The following APPBP2 variants were observed in gnomAD, a reference collection of about 807,000 sequenced individuals.
The protein encoded by APPBP2 is amyloid beta precursor protein binding protein 2.
A neutral mutation model predicts 76.0 loss-of-function variants in APPBP2; 15 were observed. The ratio of observed to expected loss-of-function variants is 0.20; its 90% confidence interval spans 0.13 to 0.30. APPBP2 has a LOEUF of 0.30. Among genes scored for constraint, APPBP2 ranks in the 10% least tolerant of loss-of-function variants. The probability of loss-of-function intolerance (pLI) is 1.00; values close to 1 mark genes in which losing one functional copy is unlikely to be tolerated. For synonymous variants in APPBP2, 222 were observed against 242.2 expected (o/e 0.92, Z 0.77); for missense variants, 401 against 687.2 (o/e 0.58, Z 4.66).
chr17:60,494,600 C>G lies in APPBP2; in HGVS notation c.245G>C (p.Cys82Ser), dbSNP rs1430125480. The change falls in exon 3 of 13, where the codon TGT becomes TCT. Residue 82 changes from cysteine to serine, a missense_variant. This residue lies in a region of APPBP2 where 149 missense variants were observed against 198.4 expected (regional missense o/e 0.75). Transcript: ENST00000083182. ...ALDKRHLLHHCFQALMDHGVK... is the reference protein window; with the variant it reads ...ALDKRHLLHHSFQALMDHGVK... ...ACCATGATCCATCAAAGCCTGAAAA[C>G]AATGATGAAGCAAATGTCTGTAAGA... 1 of 1,588,076 alleles carries G rather than the reference C, an allele frequency of 6.3e-7. No homozygotes were observed. Among genetic ancestry groups the G allele is most frequent in the Non-Finnish European group, 8.5e-7 (1 of 1,174,086 alleles).
intron 12 of APPBP2, among the ~76,000 whole-genome samples, chr17:60,448,915 C>T (rs370711843): frequency 6.6e-5 from 10 of 151,990 alleles, no homozygotes; most frequent in Non-Finnish European, 1.5e-5. Flanking sequence ...AATTACAGTA[C>T]GTTAATATTT....
rs1271709332 is a variant in APPBP2, at chr17:60,510,559, C to A, written c.139-10072G>T. The stretch of plus-strand genomic sequence containing the variant: ...CAACATAGGGAGACCCCCATCACTA[C>A]AAAAAAAAAAAAAATTGGCCAAGCA... On this transcript the variant is annotated intron_variant, in intron 1 of 12. Transcript: ENST00000083182. Among the ~76,000 whole-genome samples the A allele has an allele frequency of 1.3e-3, 175 of 135,598 alleles. 2 individuals are homozygous for A. Among genetic ancestry groups the A allele is most frequent in the Non-Finnish European group, 2.0e-3 (126 of 61,828 alleles). 89.0% of individuals were successfully genotyped at this position (135,598 alleles called of 152,430 possible).
chr17:60,499,117 G>A (rs113092015), intron 2 of APPBP2, among the ~76,000 whole-genome samples: 258 of 152,278 alleles, frequency 1.7e-3, no homozygotes, highest in African/African-American at 6.1e-3. Context: ...GATCACTTGA[G>A]CCCAGGAGTT....
chr17:60,448,352 A>G (rs1353209898), intron 12 of APPBP2, among the ~76,000 whole-genome samples: 1 of 152,096 alleles, frequency 6.6e-6, no homozygotes, highest in East Asian at 1.9e-4. Context: ...AATCCCAGCT[A>G]CTCGAGAGGC....
chr17:60,483,828 G>C (rs2090650974), intron 3 of APPBP2, among the ~76,000 whole-genome samples: 1 of 152,158 alleles, frequency 6.6e-6, no homozygotes, highest in Admixed American at 6.5e-5. Context: ...GAATGGTATT[G>C]CCCAGGTTTT....
chr17:60,458,800 G>C lies in APPBP2; in HGVS notation c.1061+1863C>G, dbSNP rs574409413. On this transcript the variant is annotated intron_variant, in intron 9 of 12. Transcript: ENST00000083182. ...TTTTTTTGTTTTTTTTTTTGAGACG[G>C]AGTCTCGTTCTGTCGCCACGCTGGA... Among the ~76,000 whole-genome samples, 113 of 150,748 alleles carry C rather than the reference G, an allele frequency of 7.5e-4. 2 individuals are homozygous for C. Among genetic ancestry groups the C allele is most frequent in the South Asian group, 5.2e-3 (25 of 4,794 alleles).
intron 4 of APPBP2, among the ~76,000 whole-genome samples, chr17:60,471,200 G>C (rs2090550016): frequency 6.6e-6 from 1 of 152,022 alleles, no homozygotes; most frequent in Admixed American, 6.6e-5. Context: ...CATTCCATAG[G>C]TTGTCTTTTT....
chr17:60,496,529 T>C (rs1021612503), intron 2 of APPBP2: 2 of 152,200 alleles, frequency 1.3e-5, no homozygotes, highest in African/African-American at 4.8e-5. Context: ...CCAAAAGCTA[T>C]CCTTTCTTTA....
chr17:60,487,266 C>T (rs1598360693), intron 3 of APPBP2, among the ~76,000 whole-genome samples: 1 of 152,274 alleles, frequency 6.6e-6, no homozygotes, highest in East Asian at 1.9e-4. Flanking sequence ...GGGAAGTTCT[C>T]CTGGATAATA....
rs1244347622 is a variant in APPBP2, at chr17:60,466,365, C to T, written c.598G>A (p.Gly200Ser). 1.2e-6 allele frequency: 2 copies of T among 1,613,974 alleles called. No homozygotes were observed. Among genetic ancestry groups the T allele is most frequent in the Admixed American group, 3.3e-5 (2 of 60,002 alleles). Residue 200 changes from glycine (G) to serine (S), a missense_variant, in exon 5 of 13, where the codon GGC becomes AGC. By Grantham distance (56) the Gly-to-Ser change is moderately conservative (BLOSUM62 0). Transcript: ENST00000083182. ...QTYMDKLSKH[G>S]QQANKAALYG... ...AGTGCAGCTTTATTTGCTTGCTGGC[C>T]ATGTTTTGATAGTTTATCCATATAT... is the stretch of plus-strand genomic sequence containing the variant.
chr17:60,510,662 G>A (rs74441539), intron 1 of APPBP2, among the ~76,000 whole-genome samples: 2,284 of 152,144 alleles, frequency 0.015, 48 homozygotes, highest in African/African-American at 0.051. Context: ...GCCGCAGTGA[G>A]CCATAATTGC....
At chr17:60,474,269 C>G (rs2090573783) in intron 4 of APPBP2, among the ~76,000 whole-genome samples, 1 of 151,690 alleles carries the variant, frequency 6.6e-6, no homozygotes. Context: ...CTCCCAGGTT[C>G]AAGCGATTCT....
chr17:60,491,196 T>C (rs2090726100), intron 3 of APPBP2, among the ~76,000 whole-genome samples: 1 of 152,080 alleles, frequency 6.6e-6, no homozygotes, highest in Non-Finnish European at 1.5e-5. Context: ...CAGGCTGAGG[T>C]GGTCTCAGAT....
chr17:60,495,427 TTTTATTTA>T (rs1555634440), intron 2 of APPBP2, among the ~76,000 whole-genome samples: 1 of 129,404 alleles, frequency 7.7e-6, no homozygotes, highest in Non-Finnish European at 1.5e-5. Flanking sequence ...TTTAAAAATA[TTTTATTTA>T]TTTATTATTT....
intron 1 of APPBP2, among the ~76,000 whole-genome samples, chr17:60,525,585 A>G (rs1457036404): frequency 6.6e-6 from 1 of 152,222 alleles, no homozygotes; most frequent in Non-Finnish European, 1.5e-5. Context: ...AGACTCCCCA[A>G]GATTACTTCA....
At chr17:60,458,915 G>A (rs2090453993) in intron 9 of APPBP2, among the ~76,000 whole-genome samples, 1 of 151,882 alleles carries the variant, frequency 6.6e-6, no homozygotes, top group Non-Finnish European at 1.5e-5. Flanking sequence ...TGGGATTACA[G>A]GCGCATGCCA....
In APPBP2 at chr17:60,475,648, T is replaced by TACACACACACACAC. The variant is rs72415327; in HGVS notation, c.503+3486_503+3499dup. ...CTTTCAATCCACATTCAACTCTTTATACACACACACACACACACACACACA... is the reference window on the plus strand; with the variant it reads ...CTTTCAATCCACATTCAACTCTTTATACACACACACACACACACACACACACACACACACACACA... On this transcript the variant is annotated intron_variant, in intron 4 of 12. Coordinates refer to ENST00000083182, the MANE Select transcript of APPBP2 (RefSeq NM_006380.5). Among the ~76,000 whole-genome samples the TACACACACACACAC allele has an allele frequency of 1.6e-3, 204 of 129,254 alleles. 2 individuals carry two copies. The highest frequency in any genetic ancestry group is 5.7e-3 in the African/African-American group (188 of 32,942). 84.8% of individuals were successfully genotyped at this position (129,254 alleles called of 152,430 possible). A position where few individuals can be genotyped will look rare whatever the true frequency, so the allele number is the denominator to read the frequency against.
rs2091054391 is a variant in APPBP2, at chr17:60,526,197, G to A, written c.-266C>T. On this transcript the variant is annotated 5_prime_UTR_variant, in exon 1 of 13. Coordinates refer to ENST00000083182, the MANE Select transcript of APPBP2 (RefSeq NM_006380.5). ...ACAATCCCGGTTCGAGAGGAACCCG[G>A]GTTCCGTCCCAGCGCTGATCTCTGC... 2.2e-6 allele frequency: 1 copy of A among 461,312 alleles called. No individual in the cohort carries two copies. The highest frequency in any genetic ancestry group is 4.3e-5 in the East Asian group (1 of 23,244). The allele number at this position is 461,312 out of a possible 1,614,324, so 28.6% of individuals were successfully genotyped here.
At chr17:60,464,271 A>G (rs1334979949) in intron 5 of APPBP2, among the ~76,000 whole-genome samples, 161 bp from the exon 6 acceptor site, 1 of 152,198 alleles carries the variant, frequency 6.6e-6, no homozygotes. Flanking sequence ...CAAAGTATAA[A>G]TCTGTTATAT....
Sources: gnomAD v4.1 joint callset for allele counts (sites outside exome capture counted in the v4.1 genomes callset) on GRCh38, gnomAD v4.1.1 for gene constraint, gnomAD v4.1.1 regional missense constraint, MANE v1.5 for transcripts, NCBI Gene and HGNC (gene_info 2026-07-23, HGNC 2026-07-21) for gene names.